Variants in HHEX observed in about 807,000 individuals in gnomAD.
HHEX encodes the protein hematopoietically expressed homeobox, also known as hematopoietically-expressed homeobox protein HHEX.
A neutral mutation model predicts 27.0 loss-of-function variants in HHEX; 8 were observed. The ratio of observed to expected loss-of-function variants is 0.30; its 90% CI spans 0.17 to 0.54. HHEX has a LOEUF of 0.54. Among genes scored for constraint, HHEX ranks in the 20% least tolerant of loss-of-function variants. HHEX has a pLI of 0.95. For synonymous variants in HHEX, 164 were observed against 161.5 expected (o/e 1.02, Z -0.12); for missense variants, 326 against 357.2 (o/e 0.91, Z 0.70).
rs566090388 is a variant in HHEX at position 92,690,031 on chromosome 10, G to T, written c.45G>T (p.Val15=). Residue 15 remains valine, a synonymous_variant, in exon 1 of 4, where the codon GTG becomes GTT. Coordinates refer to ENST00000282728, the MANE Select transcript of HHEX (RefSeq NM_002729.5). ...GGCCGGCGGCGGGCGCCGTGGGGGTGCCGCTGTACGCGCCCACGCCGCTGC... is the reference window on the plus strand; with the variant it reads ...GGCCGGCGGCGGGCGCCGTGGGGGTTCCGCTGTACGCGCCCACGCCGCTGC... ...HPGPAAGAVG[V]PLYAPTPLLQ... is the part of the protein sequence containing the mutation. The T allele has an allele frequency of 7.3e-5, 110 of 1,512,556 alleles. No homozygotes were observed. In the African/African-American group the frequency reaches 1.2e-3, roughly 17 times the overall value. 93.7% of individuals were successfully genotyped at this position (1,512,556 alleles called of 1,614,324 possible). A position where few individuals can be genotyped will look rare whatever the true frequency, so the allele number is the denominator to read the frequency against.
At chr10:92,692,165 G>C in intron 1 of HHEX, 4 of 563,098 alleles carry the variant, frequency 7.1e-6, no homozygotes, top group Non-Finnish European at 9.5e-6. Context: ...AAGGCTGTGT[G>C]CATCTGCGGT....
chr10:92,691,053 C>T (rs1845350015), intron 1 of HHEX, among the ~76,000 whole-genome samples: 1 of 152,096 alleles, frequency 6.6e-6, no homozygotes, highest in South Asian at 2.1e-4. Flanking sequence ...CTGTTTTGCA[C>T]CAGTCTGAAG....
Position 92,694,852 on chromosome 10 carries a change from G to A in HHEX, c.*84G>A. 2.0e-6 allele frequency: 2 copies of A among 1,012,838 alleles called. No homozygotes were observed. The highest frequency in any genetic ancestry group is 2.8e-5 in the South Asian group (2 of 70,742). 62.7% of individuals were successfully genotyped at this position (1,012,838 alleles called of 1,614,324 possible). The stretch of plus-strand genomic sequence containing the variant: ...AAAATCTTCATAGAAGAACTGGAAG[G>A]CTATATAAGAAAGGGAATCAATTCT... On this transcript the variant is annotated 3_prime_UTR_variant, in exon 4 of 4. Transcript: ENST00000282728.
At chr10:92,692,596 G>A in intron 2 of HHEX, 50 bp downstream of exon 2, 1 of 1,606,420 alleles carries the variant, frequency 6.2e-7, no homozygotes, top group Non-Finnish European at 8.5e-7. Flanking sequence ...GAAGGCTTCT[G>A]GGGTAGGGGT....
chr10:92,692,274 TG>T, intron 1 of HHEX, 93 bp from the exon 2 acceptor site: 1 of 1,364,006 alleles, frequency 7.3e-7, no homozygotes, highest in Non-Finnish European at 1.0e-6. Context: ...GGTGGCCTCC[TG>T]GCCTACCTTT....
Position 92,694,683 on chromosome 10 carries a change from A to T in HHEX, c.728A>T (p.Gln243Leu), listed in dbSNP as rs1252818021. 1.2e-6 allele frequency: 2 copies of T among 1,614,158 alleles called. No individual in the cohort carries two copies. The highest frequency in any genetic ancestry group is 8.5e-7 in the Non-Finnish European group (1 of 1,179,986). Reference sequence around the variant, plus strand: ...CAATGTTCGCCCTCCCCTGCCTCCCAGGAAGACCTTGAATCAGAGATTTCA... The same window carrying T: ...CAATGTTCGCCCTCCCCTGCCTCCCTGGAAGACCTTGAATCAGAGATTTCA... ...SSQCSPSPAS[Q>L]EDLESEISED... The change falls in exon 4 of 4, where the codon CAG becomes CTG. Residue 243 changes from glutamine to leucine, a missense_variant. This residue lies in a region of HHEX where 68 missense variants were observed against 84.9 expected (regional missense o/e 0.80). Transcript: ENST00000282728.
chr10:92,692,447 C>A lies in HHEX; in HGVS notation c.441C>A (p.Asp147Glu), dbSNP rs781261088. The A allele has an allele frequency of 7.4e-6, 12 of 1,613,950 alleles. No homozygotes were observed. The Admixed American group carries it at 1.2e-4, about 16-fold the overall frequency. ...GCGGCCAGGTGAGATTCTCCAACGACCAGACCATCGAGCTGGAGAAGAAAT... is the reference window on the plus strand; with the variant it reads ...GCGGCCAGGTGAGATTCTCCAACGAACAGACCATCGAGCTGGAGAAGAAAT... ...RKGGQVRFSN[D>E]QTIELEKKFE... Residue 147 changes from aspartate (D) to glutamate (E), a missense_variant, in exon 2 of 4, where the codon GAC (aspartate) becomes GAA (glutamate). Physicochemically the swap from Asp to Glu is conservative, Grantham distance 45. Transcript: ENST00000282728.
At chr10:92,692,055 T>TA (rs765053725) in intron 1 of HHEX, 18 of 217,356 alleles carry the variant, frequency 8.3e-5, no homozygotes, top group Non-Finnish European at 1.3e-4. Context: ...AGGGTCGTGG[T>TA]ATTGTAAGCC....
At chr10:92,690,459 A>C in intron 1 of HHEX, 112 bp downstream of exon 1, 1 of 1,274,724 alleles carries the variant, frequency 7.8e-7, no homozygotes, top group Non-Finnish European at 1.0e-6. Context: ...GGCAAAAGCG[A>C]TGGAAAAGCA....
In HHEX at chr10:92,695,604, CTT is replaced by C. The variant is rs1372144919; in HGVS notation, c.*837_*838del. 6.6e-6 allele frequency: 1 copy of C among 151,776 alleles called. No individual in the cohort carries two copies. The highest frequency in any genetic ancestry group is 1.5e-5 in the Non-Finnish European group (1 of 67,968). 9.4% of individuals were successfully genotyped at this position (151,776 alleles called of 1,614,324 possible). A position where few individuals can be genotyped will look rare whatever the true frequency, so the allele number is the denominator to read the frequency against. On this transcript the variant is annotated 3_prime_UTR_variant, in exon 4 of 4. Coordinates refer to ENST00000282728, the MANE Select transcript of HHEX (RefSeq NM_002729.5). ...AATGTGTTTTTTTTTTAATAAGTAA[CTT>C]GACTATAAAATAAAGCCGTCCGTGG...
chr10:92,690,288 A>G lies in HHEX; in HGVS notation c.302A>G (p.Tyr101Cys), dbSNP rs1422263508. ...YGPGGFGGPL[Y>C]PFPRTVNDYT... ...CCCGGCGGCTTCGGGGGCCCTCTGT[A>G]CCCCTTCCCGCGGACGGTGAACGAC... Residue 101 changes from tyrosine to cysteine, a missense_variant, in exon 1 of 4, where the codon TAC (tyrosine) becomes TGC (cysteine). This residue lies in a region of HHEX where 215 missense variants were observed against 196.4 expected (regional missense o/e 1.09). Transcript: ENST00000282728. 6.5e-7 allele frequency: 1 copy of G among 1,548,070 alleles called. No homozygotes were observed. Among genetic ancestry groups the G allele is most frequent in the Non-Finnish European group, 8.7e-7 (1 of 1,146,484 alleles).
At chr10:92,694,495 CT>C in intron 3 of HHEX, 51 bp from the exon 4 acceptor site, 1 of 1,317,662 alleles carries the variant, frequency 7.6e-7, no homozygotes, top group Non-Finnish European at 1.1e-6. Context: ...TTCCTCTCAC[CT>C]ATCCATATTT....
chr10:92,690,414 C>CGAGGGGGCG lies in HHEX; in HGVS notation c.361+68_361+76dup, dbSNP rs1845341754. On this transcript the variant is annotated intron_variant, in intron 1 of 3. Coordinates refer to ENST00000282728, the MANE Select transcript of HHEX (RefSeq NM_002729.5). Reference sequence around the variant, plus strand: ...CGGCAGGTGGCAGCGCCCGGGAGGCCGAGGGGGCGAAGGGGGCAGGCGGTA... The same window carrying CGAGGGGGCG: ...CGGCAGGTGGCAGCGCCCGGGAGGCCGAGGGGGCGGAGGGGGCGAAGGGGGCAGGCGGTA... 2.9e-6 allele frequency: 4 copies of CGAGGGGGCG among 1,389,878 alleles called. No individual in the cohort carries two copies. In the East Asian group the frequency reaches 1.2e-4, roughly 41 times the overall value. The allele number at this position is 1,389,878 out of a possible 1,614,324, so 86.1% of individuals were successfully genotyped here. A position where few individuals can be genotyped will look rare whatever the true frequency, so the allele number is the denominator to read the frequency against.
At chr10:92,693,180 T>G (rs1164361018) in intron 3 of HHEX, among the ~76,000 whole-genome samples, 2 of 152,206 alleles carry the variant, frequency 1.3e-5, no homozygotes, top group Admixed American at 1.3e-4. Flanking sequence ...CACCTTTAAG[T>G]CTTGTTTGCA....
intron 1 of HHEX, among the ~76,000 whole-genome samples, chr10:92,691,416 C>T (rs1177793492): frequency 2.0e-5 from 3 of 152,212 alleles, no homozygotes; most frequent in Non-Finnish European, 2.9e-5. Context: ...AAACAATTAA[C>T]GTCTTAATTA....
chr10:92,692,643 G>C, intron 2 of HHEX, 59 bp from the exon 3 acceptor site: 1 of 1,604,770 alleles, frequency 6.2e-7, no homozygotes, highest in Non-Finnish European at 8.5e-7. Context: ...GAGCCACCCT[G>C]CCCTCTGGCA....
chr10:92,691,350 G>A (rs544169564), intron 1 of HHEX, among the ~76,000 whole-genome samples: 1 of 152,318 alleles, frequency 6.6e-6, no homozygotes, highest in South Asian at 2.1e-4. Context: ...AGGAAACGGG[G>A]CGCCTCTAGA....
chr10:92,693,986 T>G (rs1046231284), intron 3 of HHEX, among the ~76,000 whole-genome samples: 2 of 152,202 alleles, frequency 1.3e-5, no homozygotes, highest in African/African-American at 4.8e-5. Context: ...GATCCACATT[T>G]TTTTTCTTTG....
chr10:92,692,884 A>G (rs1845371760), intron 3 of HHEX, 132 bp downstream of exon 3: 4 of 742,466 alleles, frequency 5.4e-6, no homozygotes, highest in Non-Finnish European at 8.9e-6. Flanking sequence ...AAAAAGACAA[A>G]TAGTCCTGCT....
Sources: gnomAD v4.1 joint callset for allele counts (sites outside exome capture counted in the v4.1 genomes callset) on GRCh38, gnomAD v4.1.1 for gene constraint, gnomAD v4.1.1 regional missense constraint, MANE v1.5 for transcripts, NCBI Gene and HGNC (gene_info 2026-07-23, HGNC 2026-07-21) for gene names.